FNIP1: variants seen among roughly 807,000 people sequenced by gnomAD.
The protein encoded by FNIP1 is folliculin-interacting protein 1.
In FNIP1, 40 loss-of-function variants were observed where a neutral mutation model predicts 124.5. The ratio of observed to expected loss-of-function variants is 0.32; its 90% CI spans 0.25 to 0.42. The LOEUF (loss-of-function observed/expected upper bound fraction) is 0.42, where lower values mean the gene tolerates loss of function less well. Ranked by LOEUF, FNIP1 falls within the 10% of genes least tolerant of loss-of-function variation. The probability of loss-of-function intolerance (pLI) is 1.00; values close to 1 mark genes in which losing one functional copy is unlikely to be tolerated. For synonymous variants in FNIP1, 472 were observed against 470.6 expected (o/e 1.00, Z -0.04); for missense variants, 1,176 against 1,403.7 (o/e 0.84, Z 2.59).
At chr5:131,794,930 A>C (rs1036338459) in intron 1 of FNIP1, among the ~76,000 whole-genome samples, 1 of 152,220 alleles carries the variant, frequency 6.6e-6, no homozygotes, top group East Asian at 1.9e-4. Context: ...CTAAAACTTC[A>C]TGGGGGTGGT....
chr5:131,666,026 G>A (rs775584449), intron 15 of FNIP1, among the ~76,000 whole-genome samples: 31 of 149,240 alleles, frequency 2.1e-4, no homozygotes, highest in Admixed American at 1.3e-3. Context: ...CTCAGCCTCC[G>A]TAGTAGCTCC....
At chr5:131,702,985 AC>A (rs1238576659) in intron 10 of FNIP1, among the ~76,000 whole-genome samples, 9 of 152,214 alleles carry the variant, frequency 5.9e-5, no homozygotes, top group African/African-American at 2.2e-4. Flanking sequence ...GGCTTTAAAT[AC>A]CATCTATACA....
At chr5:131,728,127 A>G (rs1769950910) in intron 3 of FNIP1, among the ~76,000 whole-genome samples, 1 of 151,854 alleles carries the variant, frequency 6.6e-6, no homozygotes, top group Non-Finnish European at 1.5e-5. Flanking sequence ...CTTCATTTCA[A>G]CCTTGGTGAA....
chr5:131,718,445 A>G (rs543679351), intron 5 of FNIP1, among the ~76,000 whole-genome samples: 1 of 152,276 alleles, frequency 6.6e-6, no homozygotes, highest in South Asian at 2.1e-4. Context: ...TCCACTGCCT[A>G]ACTTTAGCCC....
chr5:131,694,680 T>C (rs562283725), intron 11 of FNIP1, among the ~76,000 whole-genome samples: 1 of 152,284 alleles, frequency 6.6e-6, no homozygotes, highest in Admixed American at 6.5e-5. Context: ...GTATATGACA[T>C]CATACATTTA....
rs558224022 is a variant in FNIP1, at chr5:131,647,038, G to T, written c.3422+52C>A. ...AGGGCAATTCTGAGGAAAATTCCTT[G>T]CCTGATGACAGGGCAATGAAAGCAA... On this transcript the variant is annotated intron_variant, in intron 17 of 17. Transcript: ENST00000510461. 181 of 1,492,664 alleles carry T rather than the reference G, an allele frequency of 1.2e-4. No individual in the cohort carries two copies. The East Asian group carries it at 3.5e-3, about 28-fold the overall frequency. 92.5% of individuals were successfully genotyped at this position (1,492,664 alleles called of 1,614,324 possible).
intron 17 of FNIP1, among the ~76,000 whole-genome samples, chr5:131,646,452 A>G (rs552794636): frequency 6.6e-6 from 1 of 152,358 alleles, no homozygotes; most frequent in East Asian, 1.9e-4. Context: ...CATAAAAGCC[A>G]AATTAGATAA....
chr5:131,708,601 T>G (rs1359789997), intron 8 of FNIP1, among the ~76,000 whole-genome samples: 1 of 152,204 alleles, frequency 6.6e-6, no homozygotes, highest in Non-Finnish European at 1.5e-5. Context: ...CTGAAGCTTT[T>G]TGCGCAGGCC....
In FNIP1 at chr5:131,779,731, T is replaced by G. The variant is rs1052946159; in HGVS notation, c.92+17099A>C. ...AAAGAAAAAGAAATGATAGGATGTC[T>G]ACAATTTGTTTTAAAATACAGTACC... On this transcript the variant is annotated intron_variant, in intron 1 of 17. Coordinates refer to ENST00000510461, the MANE Select transcript of FNIP1 (RefSeq NM_133372.3). Among the ~76,000 whole-genome samples the G allele has an allele frequency of 2.0e-5, 3 of 149,792 alleles. No individual in the cohort carries two copies. The South Asian group carries it at 6.3e-4, about 32-fold the overall frequency.
At position 131,785,048 on chromosome 5, in the gene FNIP1, A is replaced by G. The variant is rs1454690078; in HGVS notation, c.92+11782T>C. Among the ~76,000 whole-genome samples the G allele has an allele frequency of 1.9e-4, 7 of 36,108 alleles. No homozygotes were observed. In the South Asian group the frequency reaches 2.4e-3, roughly 12 times the overall value. The allele number at this position is 36,108 out of a possible 152,430, so 23.7% of individuals were successfully genotyped here. A position where few individuals can be genotyped will look rare whatever the true frequency, so the allele number is the denominator to read the frequency against. On this transcript the variant is annotated intron_variant, in intron 1 of 17. Coordinates refer to ENST00000510461, the MANE Select transcript of FNIP1 (RefSeq NM_133372.3). Reference sequence around the variant, plus strand: ...ATATGACATATATATGATATATATGACTATATATATCATATATATGATATA... The same window carrying G: ...ATATGACATATATATGATATATATGGCTATATATATCATATATATGATATA...
intron 15 of FNIP1, among the ~76,000 whole-genome samples, chr5:131,664,863 A>G (rs1441943969): frequency 2.7e-5 from 4 of 150,674 alleles, no homozygotes; most frequent in Non-Finnish European, 5.9e-5. Context: ...ATACATGCAT[A>G]TATTTTATAT....
At chr5:131,664,276 T>C (rs1767528235) in intron 15 of FNIP1, among the ~76,000 whole-genome samples, 1 of 152,294 alleles carries the variant, frequency 6.6e-6, no homozygotes, top group East Asian at 1.9e-4. Context: ...TTTTACCTTA[T>C]GGTTAAACTA....
chr5:131,687,362 T>G (rs909986893), intron 11 of FNIP1, among the ~76,000 whole-genome samples: 2 of 152,196 alleles, frequency 1.3e-5, no homozygotes, highest in Non-Finnish European at 2.9e-5. Context: ...TACCTTGGCC[T>G]CACAAAGTGC....
At chr5:131,754,200 T>C (rs752283699) in intron 1 of FNIP1, among the ~76,000 whole-genome samples, 2 of 152,230 alleles carry the variant, frequency 1.3e-5, no homozygotes, top group Admixed American at 6.5e-5. Context: ...ATGTATTCAT[T>C]CACTGACTTA....
Position 131,719,431 on chromosome 5 carries a change from A to T in FNIP1, c.355-14T>A, listed in dbSNP as rs760358121. On this transcript the variant is annotated splice_polypyrimidine_tract_variant and intron_variant, in intron 3 of 17. Coordinates refer to ENST00000510461, the MANE Select transcript of FNIP1 (RefSeq NM_133372.3). ...GCACCGAGAACCCTAAACAATAACC[A>T]CATATTAACAAACTGTGTTAATTAA... 1.9e-6 allele frequency: 3 copies of T among 1,579,180 alleles called. No homozygotes were observed. The highest frequency in any genetic ancestry group is 2.6e-6 in the Non-Finnish European group (3 of 1,166,862).
chr5:131,725,760 T>A (rs1769839492), intron 3 of FNIP1, among the ~76,000 whole-genome samples: 1 of 152,234 alleles, frequency 6.6e-6, no homozygotes, highest in African/African-American at 2.4e-5. Flanking sequence ...AGAGAGGATA[T>A]CCTTATCTTG....
chr5:131,764,249 T>C (rs1330967924), intron 1 of FNIP1, among the ~76,000 whole-genome samples: 1 of 151,996 alleles, frequency 6.6e-6, no homozygotes, highest in Non-Finnish European at 1.5e-5. Flanking sequence ...CTCTTTTCTT[T>C]ATAAATCATC....
chr5:131,651,440 G>A (rs1767036318), intron 16 of FNIP1, among the ~76,000 whole-genome samples: 1 of 152,186 alleles, frequency 6.6e-6, no homozygotes, highest in South Asian at 2.1e-4. Context: ...AGTTCTGGAA[G>A]CTACAAATCC....
intron 1 of FNIP1, among the ~76,000 whole-genome samples, chr5:131,794,630 A>G (rs558839126): frequency 1.3e-5 from 2 of 152,300 alleles, no homozygotes; most frequent in East Asian, 3.9e-4. Flanking sequence ...AATACCATTC[A>G]GTGATAAAAT....
Sources: gnomAD v4.1 joint callset for allele counts (sites outside exome capture counted in the v4.1 genomes callset) on GRCh38, gnomAD v4.1.1 for gene constraint, MANE v1.5 for transcripts, NCBI Gene and HGNC (gene_info 2026-07-23, HGNC 2026-07-21) for gene names.